CAMK2G: variants seen among roughly 807,000 people sequenced by gnomAD.
CAMK2G encodes calcium/calmodulin-dependent protein kinase type II subunit gamma.
In CAMK2G, 23 loss-of-function variants were observed where a neutral mutation model predicts 88.7. The ratio of observed to expected loss-of-function variants is 0.26; its 90% confidence interval spans 0.19 to 0.37. The LOEUF (loss-of-function observed/expected upper bound fraction) is 0.37. Ranked by LOEUF, CAMK2G falls within the 10% of genes least tolerant of loss-of-function variation. The probability of loss-of-function intolerance (pLI) is 1.00; values close to 1 mark genes in which losing one functional copy is unlikely to be tolerated. For missense variants in CAMK2G, 476 were observed against 780.8 expected (o/e 0.61, Z 4.65); for synonymous variants, 263 against 294.8 (o/e 0.89, Z 1.11).
chr10:73,838,454 A>G (rs561455430), intron 13 of CAMK2G, among the ~76,000 whole-genome samples: 3 of 152,044 alleles, frequency 2.0e-5, no homozygotes, highest in Admixed American at 2.0e-4. Context: ...TGACATCACA[A>G]AACAGTGGTG....
intron 15 of CAMK2G, 95 bp downstream of exon 15, chr10:73,827,994 A>G: frequency 2.1e-6 from 2 of 972,154 alleles, no homozygotes; most frequent in South Asian, 2.6e-5. Context: ...AGTGAGGATG[A>G]GTGAGGCACA....
At chr10:73,852,614 C>A (rs2094712806) in intron 4 of CAMK2G, 1 of 419,660 alleles carries the variant, frequency 2.4e-6, no homozygotes, top group Non-Finnish European at 4.3e-6. Flanking sequence ...GTCAACCTAC[C>A]CCAAAAGTCA....
At chr10:73,865,662 C>T (rs533551720) in intron 2 of CAMK2G, among the ~76,000 whole-genome samples, 12 of 152,298 alleles carry the variant, frequency 7.9e-5, no homozygotes, top group Non-Finnish European at 1.0e-4. Context: ...CCCAGCTGGA[C>T]GCAGCATCTC....
intron 2 of CAMK2G, among the ~76,000 whole-genome samples, 160 bp downstream of exon 2, chr10:73,872,829 C>A (rs1013965683): frequency 4.6e-5 from 7 of 152,172 alleles, no homozygotes; most frequent in African/African-American, 1.7e-4. Flanking sequence ...CCATGCAACT[C>A]CTTTTCTGGC....
intron 3 of CAMK2G, among the ~76,000 whole-genome samples, chr10:73,859,743 G>A (rs1591157560): frequency 6.6e-6 from 1 of 152,232 alleles, no homozygotes; most frequent in South Asian, 2.1e-4. Flanking sequence ...CACAGCTGAC[G>A]TTCTGACTAC....
At chr10:73,834,896 C>T (rs1056623926) in intron 14 of CAMK2G, among the ~76,000 whole-genome samples, 3 of 152,200 alleles carry the variant, frequency 2.0e-5, no homozygotes, top group Admixed American at 1.3e-4. Context: ...TCCACCTCAA[C>T]AGTCACTGCT....
intron 18 of CAMK2G, 22 bp downstream of exon 18, chr10:73,821,660 C>T (rs2088831458): frequency 1.3e-6 from 2 of 1,597,558 alleles, no homozygotes; most frequent in Non-Finnish European, 1.7e-6. Flanking sequence ...GAGTCCTTCC[C>T]CCTCCAAGGG....
intron 3 of CAMK2G, among the ~76,000 whole-genome samples, chr10:73,860,343 G>C (rs760633867): frequency 7.2e-5 from 11 of 152,182 alleles, no homozygotes; most frequent in Non-Finnish European, 1.5e-4. Flanking sequence ...GCCAGGCAGG[G>C]GGGCAGCTTG....
chr10:73,867,769 A>G (rs1347782571), intron 2 of CAMK2G, among the ~76,000 whole-genome samples: 2 of 152,150 alleles, frequency 1.3e-5, no homozygotes, highest in Non-Finnish European at 2.9e-5. Flanking sequence ...GTGTGAGGTG[A>G]TATGCCAAGA....
chr10:73,815,878 CTG>C, intron 21 of CAMK2G: 2 of 985,392 alleles, frequency 2.0e-6, no homozygotes, highest in African/African-American at 1.7e-5. Flanking sequence ...GCTGTGAAAA[CTG>C]TGTTGCTTTT....
intron 19 of CAMK2G, 32 bp downstream of exon 19, chr10:73,819,500 C>T (rs772661462): frequency 4.7e-5 from 68 of 1,457,092 alleles, no homozygotes; most frequent in Admixed American, 1.4e-4. Flanking sequence ...GCCAGGGAGA[C>T]GGAAGCCAGA....
intron 3 of CAMK2G, among the ~76,000 whole-genome samples, chr10:73,856,002 G>T (rs1307230193): frequency 2.6e-5 from 4 of 152,020 alleles, no homozygotes; most frequent in African/African-American, 9.7e-5. Flanking sequence ...TGGAGATCCT[G>T]GTCTTGAGCC....
chr10:73,847,106 G>C, intron 10 of CAMK2G, 119 bp downstream of exon 10: 1 of 1,044,452 alleles, frequency 9.6e-7, no homozygotes, highest in Non-Finnish European at 1.4e-6. Context: ...CTGCCCGCCT[G>C]CTCAGTTATT....
Position 73,816,407 on chromosome 10 carries a change from C to T in CAMK2G, c.1534+616G>A, listed in dbSNP as rs544419690. The T allele has an allele frequency of 5.4e-5, 57 of 1,049,168 alleles. No homozygotes were observed. In the African/African-American group the frequency reaches 8.9e-4, roughly 16 times the overall value. The allele number at this position is 1,049,168 out of a possible 1,614,324, so 65.0% of individuals were successfully genotyped here. A position where few individuals can be genotyped will look rare whatever the true frequency, so the allele number is the denominator to read the frequency against. ...TCTTATGTGCTGAGATCATCTCAAC[C>T]TAATCTCAAAGGGTTTCCTTCCAAT... On this transcript the variant is annotated intron_variant, in intron 21 of 22. Transcript: ENST00000423381.
At chr10:73,851,489 T>A (rs2094610370) in intron 5 of CAMK2G, among the ~76,000 whole-genome samples, 2 of 151,840 alleles carry the variant, frequency 1.3e-5, no homozygotes, top group African/African-American at 4.8e-5. Context: ...CTCCCGGGGC[T>A]CTATGGTTGG....
chr10:73,849,425 A>G, intron 5 of CAMK2G, 92 bp from the exon 6 acceptor site: 1 of 831,172 alleles, frequency 1.2e-6, no homozygotes, highest in Non-Finnish European at 2.0e-6. Context: ...GGCATGTGAC[A>G]AGGGGCCACG....
chr10:73,820,469 TATATATA>T (rs1565179195), intron 18 of CAMK2G, among the ~76,000 whole-genome samples: 41 of 37,666 alleles, frequency 1.1e-3, no homozygotes, highest in African/African-American at 4.6e-3. Context: ...TATATTTATA[TATATATA>T]TATATATATA....
intron 14 of CAMK2G, among the ~76,000 whole-genome samples, chr10:73,835,252 G>A (rs1230365992): frequency 6.6e-6 from 1 of 151,898 alleles, no homozygotes; most frequent in Non-Finnish European, 1.5e-5. Context: ...CACCTTAAAA[G>A]GTAGATTAAG....
chr10:73,824,999 G>C (rs1235917477), intron 16 of CAMK2G, among the ~76,000 whole-genome samples: 3 of 152,214 alleles, frequency 2.0e-5, no homozygotes, highest in East Asian at 3.9e-4. Context: ...AGGGGTCCTG[G>C]GCTGGGCCTG....
Sources: gnomAD v4.1 joint callset for allele counts (sites outside exome capture counted in the v4.1 genomes callset) on GRCh38, gnomAD v4.1.1 for gene constraint, MANE v1.5 for transcripts, NCBI Gene and HGNC (gene_info 2026-07-23, HGNC 2026-07-21) for gene names.